The following NRG1 variants were observed in gnomAD, a reference collection of about 807,000 sequenced individuals.
NRG1 encodes the protein neuregulin 1.
In NRG1, 18 loss-of-function variants were observed where a neutral mutation model predicts 63.8. The observed-to-expected ratio is 0.28, with a 90% CI of 0.19 to 0.42. The LOEUF (loss-of-function observed/expected upper bound fraction) is 0.42. Ranked by LOEUF, NRG1 falls within the 10% of genes least tolerant of loss-of-function variation. The pLI is 1.00. For missense variants in NRG1, 762 were observed against 814.7 expected, an observed-to-expected ratio of 0.94 and a Z score of 0.79; for synonymous variants, 302 against 301.3, an observed-to-expected ratio of 1.00 and a Z score of -0.02.
rs913218060 is a variant in NRG1 at position 32,158,508 on chromosome 8, A to G, written c.38-437320A>G. Among the ~76,000 whole-genome samples the G allele has an allele frequency of 4.4e-5, 6 of 135,558 alleles. 1 individual carries two copies. The highest frequency in any genetic ancestry group is 1.6e-4 in the African/African-American group (6 of 38,200). 88.9% of individuals were successfully genotyped at this position (135,558 alleles called of 152,430 possible). On this transcript the variant is annotated intron_variant, in intron 1 of 10. Transcript: ENST00000519301. Reference sequence around the variant, plus strand: ...TATATGATTTACCTCAAAACAGATCACAAAGCTGAGGTCACTTGAAACTGA... The same window carrying G: ...TATATGATTTACCTCAAAACAGATCGCAAAGCTGAGGTCACTTGAAACTGA...
intron 1 of NRG1, among the ~76,000 whole-genome samples, chr8:31,766,960 A>G (rs767989862): frequency 2.0e-5 from 3 of 152,308 alleles, no homozygotes; most frequent in Non-Finnish European, 2.9e-5. Flanking sequence ...AAGCATTTCT[A>G]TCCTCCCAGG....
At chr8:32,657,610 A>G (rs1749715754) in intron 5 of NRG1, among the ~76,000 whole-genome samples, 2 of 152,176 alleles carry the variant, frequency 1.3e-5, no homozygotes, top group South Asian at 4.1e-4. Context: ...GTTTTATGAA[A>G]TATGTTGGTG....
chr8:32,175,449 C>A (rs553508814), intron 1 of NRG1, among the ~76,000 whole-genome samples: 3 of 152,268 alleles, frequency 2.0e-5, no homozygotes, highest in East Asian at 3.9e-4. Context: ...TCTCACCACT[C>A]CTATTCAACA....
At chr8:32,508,263 T>A (rs1250145882) in intron 1 of NRG1, among the ~76,000 whole-genome samples, 1 of 149,042 alleles carries the variant, frequency 6.7e-6, no homozygotes, top group Admixed American at 6.8e-5. Flanking sequence ...TAATATGTTC[T>A]GCTGTAAACA....
intron 1 of NRG1, among the ~76,000 whole-genome samples, chr8:31,760,638 A>C (rs927869167): frequency 6.6e-6 from 1 of 152,192 alleles, no homozygotes; most frequent in African/African-American, 2.4e-5. Context: ...AAAAGTGGGC[A>C]AAGGATATGA....
intron 1 of NRG1, among the ~76,000 whole-genome samples, chr8:32,577,872 A>C (rs1481362068): frequency 1.3e-5 from 2 of 152,130 alleles, no homozygotes; most frequent in African/African-American, 2.4e-5. Context: ...CTGTGCCATC[A>C]GCTTTTCCAG....
At chr8:31,991,319 TCTTCTC>T (rs1811037175) in intron 1 of NRG1, among the ~76,000 whole-genome samples, 1 of 151,412 alleles carries the variant, frequency 6.6e-6, no homozygotes, top group African/African-American at 2.4e-5. Flanking sequence ...CTCTTCTTCT[TCTTCTC>T]TTTTTCTCTT....
intron 1 of NRG1, among the ~76,000 whole-genome samples, chr8:32,038,218 C>T (rs995315338): frequency 6.6e-6 from 1 of 152,216 alleles, no homozygotes; most frequent in Admixed American, 6.5e-5. Flanking sequence ...CCAGCTTCCT[C>T]GGCTCAGAGA....
chr8:32,342,888 A>C (rs1339082730), intron 1 of NRG1, among the ~76,000 whole-genome samples: 1 of 152,226 alleles, frequency 6.6e-6, no homozygotes, highest in Non-Finnish European at 1.5e-5. Flanking sequence ...GCTTATATTC[A>C]GGCAGGAAGC....
intron 1 of NRG1, among the ~76,000 whole-genome samples, chr8:31,895,248 A>G (rs1405526641): frequency 6.6e-6 from 1 of 152,230 alleles, no homozygotes; most frequent in Non-Finnish European, 1.5e-5. Context: ...TAAGGACCTT[A>G]CAGCTAAAGC....
intron 1 of NRG1, among the ~76,000 whole-genome samples, chr8:32,262,376 G>A (rs761252626): frequency 6.6e-6 from 1 of 152,128 alleles, no homozygotes; most frequent in African/African-American, 2.4e-5. Context: ...GCAGAATCAG[G>A]AGACCCCCCC....
intron 1 of NRG1, among the ~76,000 whole-genome samples, chr8:31,730,416 T>C (rs958324259): frequency 6.6e-6 from 1 of 152,128 alleles, no homozygotes; most frequent in African/African-American, 2.4e-5. Context: ...CACAGACACA[T>C]TCACTCATGC....
rs74632636 is a variant in NRG1 at position 31,734,955 on chromosome 8, C to T, written c.37+95524C>T. On this transcript the variant is annotated intron_variant, in intron 1 of 10. Coordinates refer to the NRG1 transcript ENST00000519301. ...ATGAAAGATTAGGTCATCTGTGATGCTGTCAGAGGCCTGGAGAAGTCCTCC... is the reference window on the plus strand; with the variant it reads ...ATGAAAGATTAGGTCATCTGTGATGTTGTCAGAGGCCTGGAGAAGTCCTCC... Among the ~76,000 whole-genome samples, 1,000 of 152,220 alleles carry T rather than the reference C, an allele frequency of 6.6e-3. 4 individuals are homozygous for T. Among genetic ancestry groups the T allele is most frequent in the Non-Finnish European group, 0.01 (698 of 68,024 alleles).
chr8:31,652,786 A>G (rs932060432), intron 1 of NRG1, among the ~76,000 whole-genome samples: 1 of 152,180 alleles, frequency 6.6e-6, no homozygotes, highest in Non-Finnish European at 1.5e-5. Context: ...AGATATGTTT[A>G]TATTACATTG....
intron 5 of NRG1, among the ~76,000 whole-genome samples, chr8:32,712,402 T>A (rs796725818): frequency 5.9e-5 from 9 of 152,156 alleles, no homozygotes; most frequent in African/African-American, 2.2e-4. Context: ...GTAAAAGGAG[T>A]TGTAAGTAAG....
At chr8:32,754,399 T>G (rs1365711581) in exon 8 of NRG1, 1 of 1,613,592 alleles carries the variant, frequency 6.2e-7, no homozygotes, top group Non-Finnish European at 8.5e-7. Context: ...CAGAAGAGAG[T>G]GCTGACCATA....
At chr8:31,721,013 A>G (rs923754557) in intron 1 of NRG1, among the ~76,000 whole-genome samples, 1 of 152,166 alleles carries the variant, frequency 6.6e-6, no homozygotes, top group Admixed American at 6.6e-5. Context: ...TGCTCCACCA[A>G]ATAAATCACA....
intron 1 of NRG1, among the ~76,000 whole-genome samples, chr8:32,499,594 A>G (rs2129496281): frequency 6.6e-6 from 1 of 152,274 alleles, no homozygotes; most frequent in East Asian, 1.9e-4. Flanking sequence ...GGATTGCTTG[A>G]GCCCAGGAGG....
intron 1 of NRG1, among the ~76,000 whole-genome samples, chr8:32,158,274 C>T (rs960336848): frequency 6.6e-6 from 1 of 151,430 alleles, no homozygotes; most frequent in African/African-American, 2.4e-5. Context: ...TGTGATCACC[C>T]AGGGTACTTT....
Sources: gnomAD v4.1 joint callset for allele counts (sites outside exome capture counted in the v4.1 genomes callset) on GRCh38, gnomAD v4.1.1 for gene constraint, MANE v1.5 for transcripts, NCBI Gene and HGNC (gene_info 2026-07-23, HGNC 2026-07-21) for gene names.